Variants in ST6GALNAC5 observed in about 807,000 individuals in gnomAD.
ST6GALNAC5 encodes the protein ST6 N-acetylgalactosaminide alpha-2,6-sialyltransferase 5, also known as alpha-N-acetylgalactosaminide alpha-2,6-sialyltransferase 5.
A neutral mutation model predicts 33.6 loss-of-function variants in ST6GALNAC5; 27 were observed. The ratio of observed to expected loss-of-function variants is 0.80; its 90% CI spans 0.59 to 1.11. The LOEUF (loss-of-function observed/expected upper bound fraction) is 1.11, where lower values mean the gene tolerates loss of function less well. Among genes scored for constraint, ST6GALNAC5 ranks in the 50% least tolerant of loss-of-function variants. The probability of loss-of-function intolerance (pLI) is 0.00; values close to 1 mark genes in which losing one functional copy is unlikely to be tolerated. For synonymous variants in ST6GALNAC5, 194 were observed against 171.2 expected (o/e 1.13, Z -1.04); for missense variants, 428 against 454.0 (o/e 0.94, Z 0.52).
intron 2 of ST6GALNAC5, among the ~76,000 whole-genome samples, chr1:76,923,620 G>A (rs1647056364): frequency 6.6e-6 from 1 of 151,978 alleles, no homozygotes; most frequent in African/African-American, 2.4e-5. Context: ...TTGAACCCAG[G>A]AGGCAGAGAT....
chr1:76,968,522 G>T (rs1380960487), intron 2 of ST6GALNAC5, among the ~76,000 whole-genome samples: 1 of 152,178 alleles, frequency 6.6e-6, no homozygotes, highest in Admixed American at 6.5e-5. Flanking sequence ...GATGGGTCTT[G>T]ACTCCTTATC....
intron 2 of ST6GALNAC5, among the ~76,000 whole-genome samples, chr1:77,011,049 T>G (rs564811948): frequency 7.5e-4 from 82 of 108,798 alleles, no homozygotes; most frequent in African/African-American, 2.9e-3. Context: ...GCTGTTGGCC[T>G]CTGAAAAGCA....
intron 4 of ST6GALNAC5, among the ~76,000 whole-genome samples, chr1:77,059,756 G>A (rs866739654): frequency 1.1e-4 from 17 of 152,054 alleles, no homozygotes; most frequent in African/African-American, 2.9e-4. Flanking sequence ...TTACTGCAAC[G>A]TTCTGAGGAT....
intron 2 of ST6GALNAC5, among the ~76,000 whole-genome samples, chr1:76,942,266 A>G (rs1647361270): frequency 6.6e-6 from 1 of 152,110 alleles, no homozygotes; most frequent in Non-Finnish European, 1.5e-5. Context: ...GGCATGCAGT[A>G]TTCCTGAAAT....
Position 77,048,332 on chromosome 1 carries a change from G to A in ST6GALNAC5, c.672-1926G>A, listed in dbSNP as rs1405037509. Among the ~76,000 whole-genome samples the A allele has an allele frequency of 2.0e-5, 3 of 152,170 alleles. No individual in the cohort carries two copies. In the South Asian group the frequency reaches 6.2e-4, roughly 32 times the overall value. On this transcript the variant is annotated intron_variant, in intron 3 of 4. Transcript: ENST00000477717. ...AGATTAGGCTCCTGAAGCTGTAAGT[G>A]AGCTGTCATCCTCTTCCTGGGTTCC...
intron 2 of ST6GALNAC5, among the ~76,000 whole-genome samples, chr1:76,998,942 T>G (rs1650040039): frequency 1.3e-5 from 2 of 152,298 alleles, no homozygotes; most frequent in Middle Eastern, 3.4e-3. Flanking sequence ...AGAAATTATT[T>G]TAGAATCATT....
intron 2 of ST6GALNAC5, among the ~76,000 whole-genome samples, chr1:76,952,016 T>G (rs562899902): frequency 2.6e-5 from 4 of 152,264 alleles, no homozygotes; most frequent in African/African-American, 7.2e-5. Context: ...TTTCAAATAA[T>G]AGACCACCAC....
intron 2 of ST6GALNAC5, among the ~76,000 whole-genome samples, chr1:76,938,366 T>G (rs1647244407): frequency 6.6e-6 from 1 of 152,084 alleles, no homozygotes; most frequent in South Asian, 2.1e-4. Flanking sequence ...AAGAGTTTTC[T>G]TTGTATGGCA....
intron 2 of ST6GALNAC5, among the ~76,000 whole-genome samples, chr1:76,974,044 A>G (rs558402601): frequency 1.1e-4 from 17 of 152,216 alleles, no homozygotes; most frequent in African/African-American, 4.1e-4. Flanking sequence ...AAGAATAAAA[A>G]AACAACTAAT....
intron 4 of ST6GALNAC5, among the ~76,000 whole-genome samples, chr1:77,051,741 G>A (rs967869528): frequency 1.3e-5 from 2 of 152,148 alleles, no homozygotes; most frequent in Admixed American, 1.3e-4. Context: ...AAGTAGAATG[G>A]CCTAAAAAGG....
At chr1:76,913,170 A>T (rs1308847751) in intron 2 of ST6GALNAC5, among the ~76,000 whole-genome samples, 5 of 151,124 alleles carry the variant, frequency 3.3e-5, no homozygotes, top group Admixed American at 2.0e-4. Flanking sequence ...TTTCTCCTTC[A>T]CTTATGAAGC....
chr1:76,929,348 C>G (rs972769523), intron 2 of ST6GALNAC5, among the ~76,000 whole-genome samples: 12 of 152,106 alleles, frequency 7.9e-5, no homozygotes, highest in African/African-American at 2.9e-4. Flanking sequence ...GGAGACCAAC[C>G]TGGCCGAGAC....
chr1:77,042,643 C>T (rs1651869564), intron 2 of ST6GALNAC5, among the ~76,000 whole-genome samples: 1 of 152,202 alleles, frequency 6.6e-6, no homozygotes, highest in Admixed American at 6.5e-5. Flanking sequence ...AAAGGCTCCG[C>T]ACTGACCAAT....
chr1:76,945,907 T>A (rs996999769), intron 2 of ST6GALNAC5, among the ~76,000 whole-genome samples: 1 of 152,112 alleles, frequency 6.6e-6, no homozygotes, highest in Admixed American at 6.5e-5. Flanking sequence ...AAATAGCCTT[T>A]TATTGTTGTT....
At chr1:76,927,431 GTAAGAAGAGAAAAAGCAAAGT>G (rs1647096861) in intron 2 of ST6GALNAC5, among the ~76,000 whole-genome samples, 1 of 152,044 alleles carries the variant, frequency 6.6e-6, no homozygotes, top group Non-Finnish European at 1.5e-5. Flanking sequence ...CAAAACTCTA[GTAAGAAGAGAAAAAGCAAAGT>G]GAAACTGTTT....
Position 77,063,039 on chromosome 1 carries a change from A to G in ST6GALNAC5, c.844A>G (p.Met282Val), listed in dbSNP as rs1652639315. The stretch of plus-strand genomic sequence containing the variant: ...ACCTTTTGGACCTGATGAATGTACA[A>G]TGTACCTCTCCCATGAGCGAGGACG... ...YEPFGPDECT[M>V]YLSHERGRKG... The change falls in exon 5 of 5, where the codon ATG (methionine) becomes GTG (valine). Residue 282 changes from methionine to valine, a missense_variant. Physicochemically the swap from Met to Val is conservative, Grantham distance 21. Coordinates refer to ENST00000477717, the MANE Select transcript of ST6GALNAC5 (RefSeq NM_030965.3). 4 of 1,614,014 alleles carry G rather than the reference A, an allele frequency of 2.5e-6. No homozygotes were observed. Among genetic ancestry groups the G allele is most frequent in the Non-Finnish European group, 3.4e-6 (4 of 1,179,930 alleles).
chr1:77,017,089 G>A (rs1387491195), intron 2 of ST6GALNAC5, among the ~76,000 whole-genome samples: 1 of 148,918 alleles, frequency 6.7e-6, no homozygotes, highest in Non-Finnish European at 1.5e-5. Context: ...GAGTTGGTGA[G>A]CATGAAGGGA....
intron 2 of ST6GALNAC5, among the ~76,000 whole-genome samples, chr1:76,937,434 T>A (rs1052713584): frequency 2.0e-5 from 3 of 152,050 alleles, no homozygotes; most frequent in African/African-American, 2.4e-5. Flanking sequence ...TTAAAAAGCA[T>A]GTTAACTTCA....
At chr1:76,963,360 C>T (rs996164830) in intron 2 of ST6GALNAC5, among the ~76,000 whole-genome samples, 3 of 152,174 alleles carry the variant, frequency 2.0e-5, no homozygotes, top group South Asian at 2.1e-4. Flanking sequence ...ACAACCATTG[C>T]TATTACAGCA....
Sources: allele counts gnomAD v4.1 joint callset (sites outside exome capture counted in the v4.1 genomes callset), GRCh38; gene constraint gnomAD v4.1.1; transcripts MANE v1.5; gene names NCBI Gene and HGNC (gene_info 2026-07-23, HGNC 2026-07-21).